Variants in TMEM43 observed in about 807,000 individuals in gnomAD.
TMEM43 encodes the protein transmembrane protein 43, also known as arrhythmogenic right ventricular dysplasia 5.
Under a neutral mutation model 49.6 loss-of-function variants are expected in TMEM43, and 45 were observed. The ratio of observed to expected loss-of-function variants is 0.91; its 90% CI spans 0.71 to 1.16. The LOEUF (loss-of-function observed/expected upper bound fraction) is 1.16. Ranked by LOEUF, TMEM43 falls within the 50% of genes most tolerant of loss-of-function variation. The pLI is 0.00. For missense variants in TMEM43, 532 were observed against 516.6 expected (o/e 1.03, Z -0.29); for synonymous variants, 199 against 207.8 (o/e 0.96, Z 0.36).
chr3:14,135,634 GCCAGAGCTGCAGAGGTGGATGCAT>G (rs1241372943), intron 9 of TMEM43, among the ~76,000 whole-genome samples, 149 bp from the exon 10 acceptor site: 1 of 152,236 alleles, frequency 6.6e-6, no homozygotes, highest in Non-Finnish European at 1.5e-5. Context: ...GAGCAGCTCA[GCCAGAGCTGCAGAGGTGGATGCAT>G]CCCAGATGGA....
intron 1 of TMEM43, chr3:14,129,048 A>G (rs894039001): frequency 1.1e-5 from 5 of 440,714 alleles, no homozygotes; most frequent in African/African-American, 4.1e-5. Flanking sequence ...CCCTGATTCC[A>G]TTTTTCTCAA....
chr3:14,138,465 A>G (rs1695204879), intron 10 of TMEM43, among the ~76,000 whole-genome samples: 2 of 152,134 alleles, frequency 1.3e-5, no homozygotes, highest in South Asian at 2.1e-4. Flanking sequence ...GGAGCGAGCC[A>G]TGTCTTTCCC....
Position 14,125,171 on chromosome 3 carries a change from GC to G in TMEM43, c.-22del, listed in dbSNP as rs1165999741. On this transcript the variant is annotated 5_prime_UTR_variant, in exon 1 of 12. Coordinates refer to ENST00000306077, the MANE Select transcript of TMEM43 (RefSeq NM_024334.3). ...CTTCCTAGCTGAACAGCGCGAGGCGGCGGCAGCGAGCCGGGTCCCACCATGG... is the reference window on the plus strand; with the variant it reads ...CTTCCTAGCTGAACAGCGCGAGGCGGGGCAGCGAGCCGGGTCCCACCATGG... The G allele has an allele frequency of 3.1e-6, 5 of 1,609,386 alleles. No homozygotes were observed. The highest frequency in any genetic ancestry group is 4.2e-6 in the Non-Finnish European group (5 of 1,179,108).
chr3:14,132,644 A>G (rs1471239989), intron 5 of TMEM43, 49 bp downstream of exon 5: 2 of 1,605,604 alleles, frequency 1.2e-6, no homozygotes, highest in Non-Finnish European at 1.7e-6. Flanking sequence ...GGGGGCCCAC[A>G]GTGGTGGCTG....
intron 1 of TMEM43, among the ~76,000 whole-genome samples, chr3:14,128,111 CAA>C (rs1314942351): frequency 3.3e-5 from 5 of 152,196 alleles, no homozygotes; most frequent in Non-Finnish European, 7.3e-5. Context: ...ATGGAAGGCA[CAA>C]AGTGGTGAAG....
In TMEM43 at chr3:14,141,961, T is replaced by C. The variant is rs188887911; in HGVS notation, c.*166T>C. ...TGGCAGCATGTGCACCAGGTTGGTGTTCACCAGCTCATGTCTTCCCCACAT... is the reference window on the plus strand; with the variant it reads ...TGGCAGCATGTGCACCAGGTTGGTGCTCACCAGCTCATGTCTTCCCCACAT... On this transcript the variant is annotated 3_prime_UTR_variant, in exon 12 of 12. Coordinates refer to ENST00000306077, the MANE Select transcript of TMEM43 (RefSeq NM_024334.3). 2 of 661,944 alleles carry C rather than the reference T, an allele frequency of 3.0e-6. No individual in the cohort carries two copies. Among genetic ancestry groups the C allele is most frequent in the African/African-American group, 3.6e-5 (2 of 55,170 alleles). 41.0% of individuals were successfully genotyped at this position (661,944 alleles called of 1,614,324 possible). A position where few individuals can be genotyped will look rare whatever the true frequency, so the allele number is the denominator to read the frequency against.
chr3:14,136,196 C>T (rs1250095063), intron 10 of TMEM43, among the ~76,000 whole-genome samples: 2 of 152,246 alleles, frequency 1.3e-5, no homozygotes, highest in African/African-American at 2.4e-5. Flanking sequence ...ACTTTGTACA[C>T]ATCGCCTGAA....
intron 7 of TMEM43, among the ~76,000 whole-genome samples, chr3:14,134,456 G>C (rs1417257848): frequency 6.6e-6 from 1 of 152,178 alleles, no homozygotes; most frequent in East Asian, 1.9e-4. Flanking sequence ...CCCTCAAGTA[G>C]CTCTCAACCC....
In TMEM43 at chr3:14,132,378, T is replaced by G. The variant is rs75677144; in HGVS notation, c.393-168T>G. Among the ~76,000 whole-genome samples, 1,137 of 152,294 alleles carry G rather than the reference T, an allele frequency of 7.5e-3. 19 individuals are homozygous for G. Among genetic ancestry groups the G allele is most frequent in the African/African-American group, 0.024 (1,017 of 41,562 alleles). ...CGCCTTGGAGGGCAGGAGCTGGCTG[T>G]CTGTCAGGAGTGAGTGCCCTGTCTT... On this transcript the variant is annotated intron_variant, in intron 4 of 11. Coordinates refer to ENST00000306077, the MANE Select transcript of TMEM43 (RefSeq NM_024334.3).
rs370782259 is a variant in TMEM43, at chr3:14,134,831, T to A, written c.645T>A (p.His215Gln). The stretch of plus-strand genomic sequence containing the variant: ...GCCTATCCAAGCTGGAGGACCCTCA[T>A]GTGGACATCATTCGCCGTGGAGACT... ...SLSLSKLEDP[H>Q]VDIIRRGDFF... is the part of the protein sequence containing the mutation. The change falls in exon 8 of 12, where the codon CAT (histidine) becomes CAA (glutamine). Residue 215 changes from histidine (H) to glutamine (Q), a missense_variant. His to Gln is a conservative substitution (Grantham distance 24). Transcript: ENST00000306077. 1.2e-6 allele frequency: 2 copies of A among 1,614,168 alleles called. No individual in the cohort carries two copies. The highest frequency in any genetic ancestry group is 1.7e-6 in the Non-Finnish European group (2 of 1,180,016).
At chr3:14,140,095 A>G (rs1475351095) in intron 11 of TMEM43, among the ~76,000 whole-genome samples, 1 of 152,216 alleles carries the variant, frequency 6.6e-6, no homozygotes, top group Non-Finnish European at 1.5e-5. Context: ...CTGGCTGCAC[A>G]TCTTGGGCTG....
At chr3:14,132,638 G>C (rs771621691) in intron 5 of TMEM43, 43 bp downstream of exon 5, 2 of 1,608,116 alleles carry the variant, frequency 1.2e-6, no homozygotes, top group Admixed American at 3.3e-5. Context: ...CATGGTGGGG[G>C]CCCACAGTGG....
chr3:14,135,035 C>T, intron 8 of TMEM43, 123 bp from the exon 9 acceptor site: 1 of 1,495,252 alleles, frequency 6.7e-7, no homozygotes, highest in Non-Finnish European at 9.2e-7. Context: ...TGGGTGACGG[C>T]ACAGCCTGGG....
chr3:14,131,417 A>T (rs542877775), intron 3 of TMEM43, among the ~76,000 whole-genome samples, 163 bp from the exon 4 acceptor site: 1 of 152,388 alleles, frequency 6.6e-6, no homozygotes, highest in Non-Finnish European at 1.5e-5. Flanking sequence ...AACCTGGGAC[A>T]GGGAGTGTCC....
Position 14,134,832 on chromosome 3 carries a change from G to T in TMEM43, c.646G>T (p.Val216Leu), listed in dbSNP as rs143735210. 7.4e-6 allele frequency: 12 copies of T among 1,614,196 alleles called. No homozygotes were observed. The East Asian group carries it at 2.5e-4, about 33-fold the overall frequency. ...LSLSKLEDPH[V>L]DIIRRGDFFY... ...CCTATCCAAGCTGGAGGACCCTCAT[G>T]TGGACATCATTCGCCGTGGAGACTT... Residue 216 changes from valine (V) to leucine (L), a missense_variant, in exon 8 of 12, where the codon GTG (valine) becomes TTG (leucine). Val to Leu is a conservative substitution (Grantham distance 32). Transcript: ENST00000306077.
chr3:14,131,438 C>A, intron 3 of TMEM43, 142 bp from the exon 4 acceptor site: 1 of 732,460 alleles, frequency 1.4e-6, no homozygotes, highest in Non-Finnish European at 2.4e-6. Flanking sequence ...TCGATTCTCC[C>A]CTGCAAAGCA....
At chr3:14,131,520 T>A in intron 3 of TMEM43, 60 bp from the exon 4 acceptor site, 1 of 1,454,188 alleles carries the variant, frequency 6.9e-7, no homozygotes, top group South Asian at 1.2e-5. Context: ...TGAGCCAGGC[T>A]TTCTGGGCTG....
chr3:14,128,055 A>G (rs1003907016), intron 1 of TMEM43, among the ~76,000 whole-genome samples: 7 of 152,178 alleles, frequency 4.6e-5, no homozygotes, highest in Non-Finnish European at 8.8e-5. Context: ...GAGCTACCCA[A>G]TAACTGTGTT....
intron 1 of TMEM43, among the ~76,000 whole-genome samples, chr3:14,127,081 G>A (rs1695030363): frequency 6.6e-6 from 1 of 152,188 alleles, no homozygotes; most frequent in Non-Finnish European, 1.5e-5. Flanking sequence ...TAAGTCCTGA[G>A]TGCTAGGACT....
Sources: allele counts gnomAD v4.1 joint callset (sites outside exome capture counted in the v4.1 genomes callset), GRCh38; gene constraint gnomAD v4.1.1; transcripts MANE v1.5; gene names NCBI Gene and HGNC (gene_info 2026-07-23, HGNC 2026-07-21).